Variants in PPP1R13L observed in about 807,000 individuals in gnomAD.
PPP1R13L encodes protein phosphatase 1 regulatory subunit 13 like.
In PPP1R13L, 50 loss-of-function variants were observed where a neutral mutation model predicts 80.9. The observed-to-expected ratio is 0.62, with a 90% CI of 0.49 to 0.78. PPP1R13L has a LOEUF of 0.78. Among genes scored for constraint, PPP1R13L ranks in the 30% least tolerant of loss-of-function variants. PPP1R13L has a pLI of 0.00. For missense variants in PPP1R13L, 1,200 were observed against 1,205.9 expected (o/e 1.00, Z 0.07); for synonymous variants, 602 against 534.3 (o/e 1.13, Z -1.75).
Position 45,398,784 on chromosome 19 carries a change from C to T in PPP1R13L, c.-21-445G>A, listed in dbSNP as rs370408465. The stretch of plus-strand genomic sequence containing the variant: ...GTTCTGGGATTACAGGAGTGAGTCT[C>T]CGCGCCCGGCCGTGTCCATCTCTTT... On this transcript the variant is annotated intron_variant, in intron 1 of 12. Coordinates refer to ENST00000360957, the MANE Select transcript of PPP1R13L (RefSeq NM_006663.4). Among the ~76,000 whole-genome samples the T allele has an allele frequency of 4.0e-5, 6 of 151,832 alleles. No individual in the cohort carries two copies. The South Asian group carries it at 1.2e-3, about 32-fold the overall frequency.
Position 45,385,827 on chromosome 19 carries a change from C to A in PPP1R13L, c.2078G>T (p.Gly693Val). 1.2e-6 allele frequency: 2 copies of A among 1,611,150 alleles called. No individual in the cohort carries two copies. The highest frequency in any genetic ancestry group is 1.7e-6 in the Non-Finnish European group (2 of 1,179,002). Reference sequence around the variant, plus strand: ...CACCGCGCGGGTCGGGGCTCACCAGCCGTGGCTGTCGGGGGAGTTGACATT... The same window carrying A: ...CACCGCGCGGGTCGGGGCTCACCAGACGTGGCTGTCGGGGGAGTTGACATT... ...GANVNSPDSH[G>V]WTPLHCAASC... The change falls in exon 10 of 13, where the codon GGC becomes GTC. Residue 693 changes from glycine (G) to valine (V), a missense_variant. Physicochemically the swap from Gly to Val is moderately radical, Grantham distance 109. Around this residue, in one of 5 missense-constraint regions of PPP1R13L, gnomAD observed 214 missense variants for 199.6 expected, o/e 1.07. Coordinates refer to ENST00000360957, the MANE Select transcript of PPP1R13L (RefSeq NM_006663.4).
intron 12 of PPP1R13L, among the ~76,000 whole-genome samples, chr19:45,381,331 G>C (rs1177780606): frequency 6.6e-6 from 1 of 151,654 alleles, no homozygotes; most frequent in Non-Finnish European, 1.5e-5. Context: ...CAAAGTGCTG[G>C]GATTACAGGT....
chr19:45,405,437 G>A (rs924073316), upstream of PPP1R13L, among the ~76,000 whole-genome samples: 3 of 152,158 alleles, frequency 2.0e-5, no homozygotes, highest in African/African-American at 7.2e-5. Flanking sequence ...AAAAAGCGCG[G>A]GTTGGATCTT....
Position 45,395,890 on chromosome 19 carries a change from G to C in PPP1R13L, c.904-4C>G, listed in dbSNP as rs751657469. Reference sequence around the variant, plus strand: ...GGGTGGCGCTAGTGAGGTTGTCCTGGGGAAGAGGGAAGGGAGAAGGGGATC... The same window carrying C: ...GGGTGGCGCTAGTGAGGTTGTCCTGCGGAAGAGGGAAGGGAGAAGGGGATC... On this transcript the variant is annotated splice_region_variant and splice_polypyrimidine_tract_variant and intron_variant, in intron 6 of 12. Coordinates refer to ENST00000360957, the MANE Select transcript of PPP1R13L (RefSeq NM_006663.4). 18 of 1,577,024 alleles carry C rather than the reference G, an allele frequency of 1.1e-5. No individual in the cohort carries two copies. The East Asian group carries it at 3.9e-4, about 34-fold the overall frequency.
Position 45,386,163 on chromosome 19 carries a change from C to A in PPP1R13L, c.1833G>T (p.Leu611=). 1 of 1,530,042 alleles carries A rather than the reference C, an allele frequency of 6.5e-7. No homozygotes were observed. The highest frequency in any genetic ancestry group is 2.3e-5 in the East Asian group (1 of 43,644). 94.8% of individuals were successfully genotyped at this position (1,530,042 alleles called of 1,614,324 possible). The change falls in exon 9 of 13, where the codon CTG becomes CTT. Residue 611 remains leucine, a synonymous_variant. Coordinates refer to ENST00000360957, the MANE Select transcript of PPP1R13L (RefSeq NM_006663.4). The part of the protein sequence containing the change: ...QPQSMEMRSV[L]RKAGSPRKAR... ...CCTTGCGCGGGGAGCCCGCCTTCCG[C>A]AGCACAGAGCGCATCTCCTGGGGGA... is the stretch of plus-strand genomic sequence containing the variant.
chr19:45,383,880 G>GCCT (rs1972815407), intron 11 of PPP1R13L, among the ~76,000 whole-genome samples: 1 of 151,998 alleles, frequency 6.6e-6, no homozygotes, highest in South Asian at 2.1e-4. Flanking sequence ...TCCTGCCTCA[G>GCCT]CCTCCAAAGT....
Position 45,395,532 on chromosome 19 carries a change from G to C in PPP1R13L, c.1258C>G (p.Pro420Ala). ...GGCTGTGGGGGCAGCTGGGGCTGTG[G>C]TTGTGATTGTGGCTGGGGCTGTGGT... ...PQPQPQPQSQ[P>A]QPQLPPQPQT... is the part of the protein sequence containing the mutation. The change falls in exon 7 of 13, where the codon CCA (proline) becomes GCA (alanine). Residue 420 changes from proline (P) to alanine (A), a missense_variant. By Grantham distance (27) the Pro-to-Ala change is conservative. This residue lies in a region of PPP1R13L where 764 missense variants were observed against 714.5 expected (regional missense o/e 1.07). Transcript: ENST00000360957. 2 of 1,494,480 alleles carry C rather than the reference G, an allele frequency of 1.3e-6. No homozygotes were observed. Among genetic ancestry groups the C allele is most frequent in the Non-Finnish European group, 1.8e-6 (2 of 1,121,012 alleles). The allele number at this position is 1,494,480 out of a possible 1,614,324, so 92.6% of individuals were successfully genotyped here.
At chr19:45,401,133 C>T (rs1296992001) in intron 1 of PPP1R13L, among the ~76,000 whole-genome samples, 1 of 151,144 alleles carries the variant, frequency 6.6e-6, no homozygotes, top group Non-Finnish European at 1.5e-5. Context: ...GCGGGAGGAT[C>T]ACGAGGTCAG....
chr19:45,391,906 T>A lies in PPP1R13L; in HGVS notation c.1789A>T (p.Ser597Cys). The A allele has an allele frequency of 6.7e-7, 1 of 1,490,886 alleles. No individual in the cohort carries two copies. Among genetic ancestry groups the A allele is most frequent in the South Asian group, 1.4e-5 (1 of 71,038 alleles). 92.4% of individuals were successfully genotyped at this position (1,490,886 alleles called of 1,614,324 possible). Residue 597 changes from serine to cysteine, a missense_variant, in exon 8 of 13, where the codon AGC becomes TGC. This residue lies in a region of PPP1R13L where 214 missense variants were observed against 199.6 expected (regional missense o/e 1.07). Transcript: ENST00000360957. ...ATGCTCTGCGGCTGCTCTGGTGGGC[T>A]GCTCTGGGACGGGGCCGGGGGTGGA... Reference protein sequence around the residue: ...PIPPPAPSQSSPPEQPQSMEM... With the variant: ...PIPPPAPSQSCPPEQPQSMEM...
intron 1 of PPP1R13L, among the ~76,000 whole-genome samples, chr19:45,399,069 G>T (rs1219365148): frequency 6.6e-6 from 1 of 151,556 alleles, no homozygotes; most frequent in African/African-American, 2.4e-5. Flanking sequence ...TCAGCCTCCC[G>T]AGTAGCTGGG....
At chr19:45,384,263 A>G (rs953996614) in intron 11 of PPP1R13L, among the ~76,000 whole-genome samples, 2 of 150,674 alleles carry the variant, frequency 1.3e-5, no homozygotes, top group Non-Finnish European at 3.0e-5. Context: ...GCTCACACCT[A>G]TAATCACAGC....
intron 7 of PPP1R13L, among the ~76,000 whole-genome samples, chr19:45,393,988 C>T (rs1420902718): frequency 6.6e-6 from 1 of 152,220 alleles, no homozygotes; most frequent in Non-Finnish European, 1.5e-5. Flanking sequence ...TATTATTAAT[C>T]TCTCTTCACA....
At position 45,396,569 on chromosome 19, in the gene PPP1R13L, A is replaced by G; in HGVS notation, c.688T>C (p.Phe230Leu). Residue 230 changes from phenylalanine (F) to leucine (L), a missense_variant, in exon 4 of 13, where the codon TTC (phenylalanine) becomes CTC (leucine). By Grantham distance (22) the Phe-to-Leu change is conservative. Around this residue, in one of 5 missense-constraint regions of PPP1R13L, gnomAD observed 764 missense variants for 714.5 expected, o/e 1.07. Transcript: ENST00000360957. This position sits in a 1 kb window ranked among gnomAD's most constrained non-coding sequence, Gnocchi z 5.3. ...SSLLGSGGSA[F>L]APPLRAQDDL... Reference sequence around the variant, plus strand: ...CCTTGCGCGCGCAGAGGCGGGGCGAATGCGCTGCCGCCGGAGCCTAGCAGG... The same window carrying G: ...CCTTGCGCGCGCAGAGGCGGGGCGAGTGCGCTGCCGCCGGAGCCTAGCAGG... 6.6e-7 allele frequency: 1 copy of G among 1,513,882 alleles called. No homozygotes were observed. The highest frequency in any genetic ancestry group is 2.3e-5 in the East Asian group (1 of 43,792). The allele number at this position is 1,513,882 out of a possible 1,614,324, so 93.8% of individuals were successfully genotyped here.
chr19:45,397,942 G>C, intron 3 of PPP1R13L, 63 bp downstream of exon 3: 1 of 1,530,604 alleles, frequency 6.5e-7, no homozygotes, highest in East Asian at 2.3e-5. Flanking sequence ...CTGAAATCCA[G>C]GCCTCTGGTC....
At chr19:45,393,011 CAAAAAAAAAAAAA>C (rs747245135) in intron 7 of PPP1R13L, 1 of 44,946 alleles carries the variant, frequency 2.2e-5, no homozygotes, top group Non-Finnish European at 4.7e-5. Flanking sequence ...ACTAAAAATA[CAAAAAAAAAAAAA>C]AAAAAAAAAA....
At chr19:45,398,724 CA>C (rs1264290287) in intron 1 of PPP1R13L, among the ~76,000 whole-genome samples, 1 of 150,384 alleles carries the variant, frequency 6.6e-6, no homozygotes, top group African/African-American at 2.5e-5. Flanking sequence ...GCTGGGACTA[CA>C]AGCGCGCGCC....
chr19:45,392,501 T>C, intron 7 of PPP1R13L, 161 bp from the exon 8 acceptor site: 1 of 771,542 alleles, frequency 1.3e-6, no homozygotes. Flanking sequence ...CTGTGAATAA[T>C]ATACAATTAT....
At chr19:45,405,569 G>A (rs1973324223), upstream of PPP1R13L, among the ~76,000 whole-genome samples, 1 of 152,244 alleles carries the variant, frequency 6.6e-6, no homozygotes, top group Non-Finnish European at 1.5e-5. Flanking sequence ...CCTGGAGCCC[G>A]CAGGGGCTGC....
At chr19:45,380,277 C>G (rs1393640297) in intron 12 of PPP1R13L, 49 bp from the exon 13 acceptor site, 2 of 1,606,962 alleles carry the variant, frequency 1.2e-6, no homozygotes, top group Non-Finnish European at 1.7e-6. Context: ...ACCTCCTCAT[C>G]CCACATGCAA....
Sources: allele counts gnomAD v4.1 joint callset (sites outside exome capture counted in the v4.1 genomes callset), GRCh38; gene constraint gnomAD v4.1.1; regional missense constraint gnomAD v4.1.1; non-coding constraint Gnocchi (gnomAD v3.1); transcripts MANE v1.5; gene names NCBI Gene and HGNC (gene_info 2026-07-23, HGNC 2026-07-21).